AFG2A: variants seen among roughly 807,000 people sequenced by gnomAD.
The protein encoded by AFG2A is ATPase family gene 2 protein homolog A.
the AFG2A span, among the ~76,000 whole-genome samples, chr4:123,022,754 T>C: frequency 6.6e-6 from 1 of 152,024 alleles, no homozygotes; most frequent in African/African-American, 2.4e-5. Flanking sequence ...ATTGTGGCAC[T>C]ATTCACAATA....
chr4:123,042,032 C>T, the AFG2A span, among the ~76,000 whole-genome samples: 1 of 152,130 alleles, frequency 6.6e-6, no homozygotes, highest in Non-Finnish European at 1.5e-5. Flanking sequence ...TTCTTCCTAT[C>T]CCTTTCTTAT....
chr4:123,035,570 C>G, the AFG2A span, among the ~76,000 whole-genome samples: 1 of 152,046 alleles, frequency 6.6e-6, no homozygotes, highest in African/African-American at 2.4e-5. Context: ...GTGCCATTGT[C>G]AGTTTTACAA....
At chr4:123,195,042 A>G in the AFG2A span, among the ~76,000 whole-genome samples, 1 of 152,232 alleles carries the variant, frequency 6.6e-6, no homozygotes, top group African/African-American at 2.4e-5. Context: ...TTTCTTAAAC[A>G]TCAAATGGTG....
chr4:123,053,961 G>A, the AFG2A span, among the ~76,000 whole-genome samples: 4 of 152,290 alleles, frequency 2.6e-5, no homozygotes, highest in African/African-American at 7.2e-5. Context: ...CTGGTTTCTT[G>A]TGTAAGCAAC....
chr4:123,124,647 A>C, the AFG2A span, among the ~76,000 whole-genome samples: 8 of 152,194 alleles, frequency 5.3e-5, no homozygotes, highest in Non-Finnish European at 1.2e-4. Context: ...AAAAAACAAC[A>C]ACAAAAAAAA....
the AFG2A span, among the ~76,000 whole-genome samples, chr4:122,959,285 C>T: frequency 6.6e-6 from 1 of 152,170 alleles, no homozygotes; most frequent in Non-Finnish European, 1.5e-5. Flanking sequence ...TAGTAATGTG[C>T]TCTTCCAAAC....
the AFG2A span, among the ~76,000 whole-genome samples, chr4:123,074,571 T>C: frequency 2.0e-5 from 3 of 152,102 alleles, no homozygotes; most frequent in Non-Finnish European, 4.4e-5. Flanking sequence ...GTTCTTAATT[T>C]TTATTATAGT....
the AFG2A span, among the ~76,000 whole-genome samples, chr4:123,127,452 G>A: frequency 6.6e-6 from 1 of 152,104 alleles, no homozygotes; most frequent in Non-Finnish European, 1.5e-5. Flanking sequence ...TAGGACACAA[G>A]CTGTACTTTA....
chr4:122,959,302 T>G, the AFG2A span, among the ~76,000 whole-genome samples: 2 of 152,234 alleles, frequency 1.3e-5, no homozygotes, highest in African/African-American at 2.4e-5. Flanking sequence ...AAACTATCAT[T>G]TAACTTTGCC....
At chr4:123,118,342 T>A in the AFG2A span, among the ~76,000 whole-genome samples, 1 of 55,152 alleles carries the variant, frequency 1.8e-5, no homozygotes, top group African/African-American at 3.5e-5. Flanking sequence ...ATATATATTA[T>A]ATTATATATA....
the AFG2A span, among the ~76,000 whole-genome samples, chr4:123,012,241 G>GC: frequency 7.0e-6 from 1 of 142,008 alleles, no homozygotes; most frequent in Non-Finnish European, 1.5e-5. Context: ...GGAGGTGCTT[G>GC]CCCCCCAGGA....
At chr4:122,958,974 A>G in the AFG2A span, among the ~76,000 whole-genome samples, 11 of 152,190 alleles carry the variant, frequency 7.2e-5, no homozygotes, top group Admixed American at 6.5e-5. Flanking sequence ...TGGTTCTCCA[A>G]CCTATGTAAG....
chr4:123,080,923 T>A, the AFG2A span, among the ~76,000 whole-genome samples: 3 of 152,186 alleles, frequency 2.0e-5, no homozygotes, highest in African/African-American at 7.2e-5. Flanking sequence ...CTCTTAAATT[T>A]ATTTATTTTT....
chr4:122,978,504 C>T, the AFG2A span, among the ~76,000 whole-genome samples: 2 of 152,208 alleles, frequency 1.3e-5, no homozygotes, highest in Non-Finnish European at 2.9e-5. Context: ...ACCATAAGTT[C>T]TTGGTCTCAG....
chr4:123,085,448 A>G, the AFG2A span, among the ~76,000 whole-genome samples: 6 of 152,300 alleles, frequency 3.9e-5, no homozygotes, highest in East Asian at 1.2e-3. Context: ...ATCATTATAT[A>G]ATACCCCTTT....
chr4:123,034,022 T>A, the AFG2A span, among the ~76,000 whole-genome samples: 1 of 152,172 alleles, frequency 6.6e-6, no homozygotes, highest in South Asian at 2.1e-4. Flanking sequence ...AAGGTTAACA[T>A]CTTCAGTGAT....
chr4:123,167,560 G>A, the AFG2A span, among the ~76,000 whole-genome samples: 1 of 152,084 alleles, frequency 6.6e-6, no homozygotes, highest in Non-Finnish European at 1.5e-5. Context: ...TGTTAGCCAG[G>A]ATGGTCTCGC....
the AFG2A span, among the ~76,000 whole-genome samples, chr4:123,091,237 G>A: frequency 6.6e-6 from 1 of 152,206 alleles, no homozygotes; most frequent in South Asian, 2.1e-4. Context: ...TGAGAGCTAC[G>A]ATGGGAGAGA....
the AFG2A span, among the ~76,000 whole-genome samples, chr4:123,239,764 G>T: frequency 6.6e-6 from 1 of 152,150 alleles, no homozygotes; most frequent in Non-Finnish European, 1.5e-5. Flanking sequence ...TGAAGAAACT[G>T]CATCAATTAA....
Sources: gnomAD v4.1 joint callset for allele counts (sites outside exome capture counted in the v4.1 genomes callset) on GRCh38, gnomAD v4.1.1 for gene constraint, MANE v1.5 for transcripts, NCBI Gene and HGNC (gene_info 2026-07-23, HGNC 2026-07-21) for gene names.